The following PDLIM2 variants were observed in gnomAD, a reference collection of about 807,000 sequenced individuals.
The protein encoded by PDLIM2 is PDZ and LIM domain protein 2.
Under a neutral mutation model 54.1 loss-of-function variants are expected in PDLIM2, and 51 were observed. The observed-to-expected ratio is 0.94, with a 90% CI of 0.75 to 1.19. PDLIM2 has a LOEUF of 1.19. Ranked by LOEUF, PDLIM2 falls within the 50% of genes most tolerant of loss-of-function variation. PDLIM2 has a pLI of 0.00. For missense variants in PDLIM2, 912 were observed against 874.0 expected, an observed-to-expected ratio of 1.04 and a Z score of -0.55; for synonymous variants, 398 against 385.6, an observed-to-expected ratio of 1.03 and a Z score of -0.38.
At chr8:22,584,672 G>A in intron 3 of PDLIM2, 149 bp from the exon 3 acceptor site, 1 of 676,904 alleles carries the variant, frequency 1.5e-6, no homozygotes, top group Non-Finnish European at 2.5e-6. Context: ...TCTTGAGTTT[G>A]ACAAAGTTAA....
At chr8:22,591,358 C>T in intron 8 of PDLIM2, 193 bp from the exon 8 acceptor site, 1 of 619,222 alleles carries the variant, frequency 1.6e-6, no homozygotes, top group Non-Finnish European at 2.9e-6. Flanking sequence ...TTGTACCTGC[C>T]TCCTTCATGC....
chr8:22,594,625 G>A (rs771918941), downstream of PDLIM2: 194 of 1,613,674 alleles, frequency 1.2e-4, no homozygotes, highest in Non-Finnish European at 1.4e-4. Flanking sequence ...GGAAGACCAG[G>A]AGACCCATCC....
chr8:22,584,043 C>T (rs1226899011), intron 3 of PDLIM2, among the ~76,000 whole-genome samples: 3 of 151,908 alleles, frequency 2.0e-5, no homozygotes, highest in African/African-American at 4.8e-5. Context: ...ACTCTGTCGC[C>T]CAGCCTGGAG....
chr8:22,587,065 G>A (rs558309183), intron 6 of PDLIM2, among the ~76,000 whole-genome samples: 33 of 152,126 alleles, frequency 2.2e-4, no homozygotes, highest in South Asian at 4.1e-4. Context: ...TCATTCCTTC[G>A]GCAAATATTT....
At chr8:22,579,022 G>C (rs1229797925) in exon 1 of PDLIM2, 4 of 1,242,662 alleles carry the variant, frequency 3.2e-6, no homozygotes, top group Non-Finnish European at 4.0e-6. Context: ...GCAGCGCCTG[G>C]GCTCGCCGCG....
At chr8:22,593,481 G>A (rs1385386544) in intron 9 of PDLIM2, 5 of 482,340 alleles carry the variant, frequency 1.0e-5, no homozygotes, top group Non-Finnish European at 1.8e-5. Context: ...GGAGGCTGGT[G>A]CAGGAGTATC....
Position 22,589,744 on chromosome 8 carries a change from G to A in PDLIM2, c.1513+3G>A. 4 of 1,562,996 alleles carry A rather than the reference G, an allele frequency of 2.6e-6. No individual in the cohort carries two copies. Among genetic ancestry groups the A allele is most frequent in the Non-Finnish European group, 3.5e-6 (4 of 1,153,378 alleles). On this transcript the variant is annotated splice_donor_region_variant and intron_variant, in intron 8 of 9. Coordinates refer to ENST00000308354, the Ensembl canonical transcript of PDLIM2. ...AGCCCTGGAGGCTGAGGAGAGAGGT[G>A]AGGGTCTGGGGGGCTGGGGAGGGGA...
At chr8:22,588,821 G>A in intron 6 of PDLIM2, 1 of 190,024 alleles carries the variant, frequency 5.3e-6, no homozygotes, top group South Asian at 9.0e-5. Flanking sequence ...TGCCCTGGCC[G>A]GCCCTGACTC....
At chr8:22,594,133 C>G (rs1800631560) in exon 10 of PDLIM2, 6 of 1,425,048 alleles carry the variant, frequency 4.2e-6, no homozygotes, top group Non-Finnish European at 5.5e-6. Flanking sequence ...TGGCATTGCA[C>G]TAGTCTGAGG....
intron 1 of PDLIM2, chr8:22,580,092 G>C: frequency 4.5e-6 from 1 of 220,844 alleles, no homozygotes; most frequent in South Asian, 5.7e-5. Context: ...GTCTGTACTG[G>C]TGCCAGCCTG....
At chr8:22,594,308 C>A, downstream of PDLIM2, 1 of 1,413,198 alleles carries the variant, frequency 7.1e-7, no homozygotes, top group Non-Finnish European at 9.2e-7. Context: ...AGTAGATGTC[C>A]CTTCCTTCTT....
intron 1 of PDLIM2, chr8:22,580,542 T>C: frequency 3.7e-6 from 6 of 1,611,716 alleles, no homozygotes; most frequent in Middle Eastern, 3.8e-4. Context: ...CCTGCTGCCT[T>C]ACAGTGCCCC....
At chr8:22,597,572 G>C (rs527883324), downstream of PDLIM2, 1 of 152,808 alleles carries the variant, frequency 6.5e-6, no homozygotes, top group Non-Finnish European at 1.5e-5. Context: ...CCTGTTTCCA[G>C]ATGCATTCCT....
At chr8:22,587,656 G>A (rs1800416981) in intron 6 of PDLIM2, 1 of 152,244 alleles carries the variant, frequency 6.6e-6, no homozygotes, top group African/African-American at 2.4e-5. Flanking sequence ...GAAGGCAAGG[G>A]TCGCTAACCC....
Position 22,593,921 on chromosome 8 carries a change from C to T in PDLIM2, c.*11C>T, listed in dbSNP as rs374279067. The T allele has an allele frequency of 1.7e-4, 260 of 1,547,062 alleles. No homozygotes were observed. In the African/African-American group the frequency reaches 3.4e-3, roughly 20 times the overall value. ...AGCTCTCGGGCCTGAGCCCGCCATG[C>T]CCTCAGCCTGCCTCACTGCTGGGCC... On this transcript the variant is annotated 3_prime_UTR_variant, in exon 10 of 10. Coordinates refer to ENST00000308354, the Ensembl canonical transcript of PDLIM2.
At chr8:22,589,801 C>G (rs960514499) in intron 8 of PDLIM2, 60 bp downstream of exon 7, 1 of 1,543,584 alleles carries the variant, frequency 6.5e-7, no homozygotes, top group African/African-American at 1.4e-5. Flanking sequence ...CGGGCCCTGA[C>G]TGGATGGGTC....
At chr8:22,594,707 G>T, downstream of PDLIM2, 1 of 1,562,680 alleles carries the variant, frequency 6.4e-7, no homozygotes, top group South Asian at 1.2e-5. Flanking sequence ...CCGGGGCCAG[G>T]TTGATCTACC....
At chr8:22,586,413 A>AAG (rs1800383713) in intron 6 of PDLIM2, among the ~76,000 whole-genome samples, 1 of 152,206 alleles carries the variant, frequency 6.6e-6, no homozygotes, top group Non-Finnish European at 1.5e-5. Context: ...GGCACTAAGC[A>AAG]GTGTGGTATT....
At chr8:22,589,026 G>C (rs753138039) in intron 6 of PDLIM2, 361 of 563,110 alleles carry the variant, frequency 6.4e-4, no homozygotes, top group Non-Finnish European at 9.5e-4. Context: ...CCTGCTGCCC[G>C]GTCCCCGGCA....
Sources: allele counts gnomAD v4.1 joint callset (sites outside exome capture counted in the v4.1 genomes callset), GRCh38; gene constraint gnomAD v4.1.1; transcripts MANE v1.5; gene names NCBI Gene and HGNC (gene_info 2026-07-23, HGNC 2026-07-21).